The following DGKB variants were observed in gnomAD, a reference collection of about 807,000 sequenced individuals.
DGKB encodes the protein 90 kDa diacylglycerol kinase.
In DGKB, 67 loss-of-function variants were observed where a neutral mutation model predicts 114.3. That is an observed-to-expected ratio of 0.59 (90% CI 0.48 to 0.72). DGKB has a LOEUF of 0.72. Ranked by LOEUF, DGKB falls within the 30% of genes least tolerant of loss-of-function variation. DGKB has a pLI of 0.00. For synonymous variants in DGKB, 398 were observed against 323.1 expected, an observed-to-expected ratio of 1.23 and a Z score of -2.49; for missense variants, 907 against 975.2, an observed-to-expected ratio of 0.93 and a Z score of 0.93.
At chr7:14,337,394 T>A (rs923585862) in intron 23 of DGKB, among the ~76,000 whole-genome samples, 5 of 152,170 alleles carry the variant, frequency 3.3e-5, no homozygotes, top group Non-Finnish European at 7.4e-5. Context: ...TCTCCAAGAT[T>A]ACTTACACAT....
rs538896126 is a variant in DGKB, at chr7:14,267,374, C to T, written c.2122+71141G>A. Among the ~76,000 whole-genome samples the T allele has an allele frequency of 1.7e-4, 26 of 152,190 alleles. 1 individual carries two copies. In the South Asian group the frequency reaches 5.0e-3, roughly 29 times the overall value. On this transcript the variant is annotated intron_variant, in intron 23 of 25. Coordinates refer to ENST00000402815, the MANE Select transcript of DGKB (RefSeq NM_001350709.2). ...GTGAACTCAGCCTTTCAGACCTGTGCTAAGATGCCAAGTGATCTTGTCATG... is the reference window on the plus strand; with the variant it reads ...GTGAACTCAGCCTTTCAGACCTGTGTTAAGATGCCAAGTGATCTTGTCATG...
chr7:14,195,387 C>T, intron 23 of DGKB, among the ~76,000 whole-genome samples: 1 of 152,164 alleles, frequency 6.6e-6, no homozygotes, highest in East Asian at 1.9e-4. Context: ...TGCACCCTAA[C>T]ACTGATGCCA....
At chr7:14,754,040 A>C in intron 3 of DGKB, 92 bp from the exon 4 acceptor site, 1 of 926,900 alleles carries the variant, frequency 1.1e-6, no homozygotes, top group Non-Finnish European at 1.7e-6. Context: ...CTAAAAGTTC[A>C]AGTTTACAGG....
At chr7:14,687,460 A>G (rs112908606) in intron 9 of DGKB, among the ~76,000 whole-genome samples, 2 of 152,206 alleles carry the variant, frequency 1.3e-5, no homozygotes, top group African/African-American at 4.8e-5. Flanking sequence ...TGAATTTCCT[A>G]TTTTGGTTTC....
At chr7:14,364,179 AAAC>A (rs988154688) in intron 21 of DGKB, among the ~76,000 whole-genome samples, 3 of 152,092 alleles carry the variant, frequency 2.0e-5, no homozygotes, top group Non-Finnish European at 4.4e-5. Flanking sequence ...CCAATAAAAA[AAAC>A]AACTAATGCA....
intron 20 of DGKB, among the ~76,000 whole-genome samples, chr7:14,527,623 G>A (rs998865178): frequency 1.7e-4 from 26 of 152,074 alleles, no homozygotes; most frequent in Non-Finnish European, 3.8e-4. Context: ...TTCAAAAGAA[G>A]TGTAGGATAA....
intron 20 of DGKB, among the ~76,000 whole-genome samples, chr7:14,551,989 A>G (rs117634595): frequency 0.022 from 3,384 of 152,234 alleles, 51 homozygotes; most frequent in Non-Finnish European, 0.033. Context: ...CAGAACCATA[A>G]GGTGGTCACT....
In DGKB at chr7:14,878,077, A is replaced by C. The variant is rs116694664; in HGVS notation, c.-188+24515T>G. On this transcript the variant is annotated intron_variant, in intron 1 of 25. Transcript: ENST00000402815. ...CCAAAACAGAAAAAAAAAAAAGCCA[A>C]CAGCATTTTATCAGTGAAATATGTA... Among the ~76,000 whole-genome samples, 655 of 152,112 alleles carry C rather than the reference A, an allele frequency of 4.3e-3. 4 individuals are homozygous for C. The highest frequency in any genetic ancestry group is 0.015 in the African/African-American group (611 of 41,530).
intron 17 of DGKB, among the ~76,000 whole-genome samples, chr7:14,585,142 A>T (rs569235537): frequency 6.6e-6 from 1 of 152,268 alleles, no homozygotes; most frequent in South Asian, 2.1e-4. Context: ...TTAGAACAGG[A>T]AACTTTCATG....
chr7:14,200,859 A>G (rs1365252568), intron 23 of DGKB, among the ~76,000 whole-genome samples: 1 of 151,996 alleles, frequency 6.6e-6, no homozygotes, highest in East Asian at 1.9e-4. Flanking sequence ...GGAAAAGCCT[A>G]AAAAGTTGTG....
At chr7:14,882,683 A>G (rs1380840855) in intron 1 of DGKB, among the ~76,000 whole-genome samples, 1 of 151,990 alleles carries the variant, frequency 6.6e-6, no homozygotes, top group Non-Finnish European at 1.5e-5. Context: ...GAGTAAGAGT[A>G]TGCAATATTT....
chr7:14,225,736 T>C (rs1279539422), intron 23 of DGKB, among the ~76,000 whole-genome samples: 1 of 151,778 alleles, frequency 6.6e-6, no homozygotes, highest in Non-Finnish European at 1.5e-5. Flanking sequence ...TTAAAAAAAA[T>C]AACAATTAGT....
At chr7:14,903,254 TTGA>T (rs1783404290), upstream of DGKB, 7 of 138,140 alleles carry the variant, frequency 5.1e-5, no homozygotes, top group African/African-American at 1.8e-4. Flanking sequence ...TGTGTGTGTG[TTGA>T]GGAGGAGGCG....
At chr7:14,170,255 T>C (rs1187744588) in intron 25 of DGKB, among the ~76,000 whole-genome samples, 1 of 151,956 alleles carries the variant, frequency 6.6e-6, no homozygotes, top group African/African-American at 2.4e-5. Flanking sequence ...GCATCATAAT[T>C]AAGAGATTAA....
upstream of DGKB, among the ~76,000 whole-genome samples, chr7:14,905,840 G>C (rs1228353860): frequency 6.6e-6 from 1 of 152,178 alleles, no homozygotes; most frequent in African/African-American, 2.4e-5. Flanking sequence ...GTGAGTGAAT[G>C]AATTAATCTG....
At chr7:14,245,625 T>TC (rs1422956545) in intron 23 of DGKB, among the ~76,000 whole-genome samples, 1 of 152,106 alleles carries the variant, frequency 6.6e-6, no homozygotes, top group Non-Finnish European at 1.5e-5. Flanking sequence ...TAATTTTTTT[T>TC]CCTCCATTTA....
chr7:14,250,113 C>G (rs1795009783), intron 23 of DGKB, among the ~76,000 whole-genome samples: 1 of 144,006 alleles, frequency 6.9e-6, no homozygotes, highest in South Asian at 2.2e-4. Context: ...GGCTACCACA[C>G]TTGGCTATAT....
intron 23 of DGKB, among the ~76,000 whole-genome samples, chr7:14,320,529 CGCATATGCGGTACATATATGTACT>C (rs1374410620): frequency 6.6e-6 from 1 of 151,280 alleles, no homozygotes; most frequent in African/African-American, 2.4e-5. Flanking sequence ...ATATATGTAC[CGCATATGCGGTACATATATGTACT>C]ATATAGTACA....
At chr7:14,176,427 G>A in intron 25 of DGKB, 1 of 986,398 alleles carries the variant, frequency 1.0e-6, no homozygotes, top group Non-Finnish European at 1.2e-6. Flanking sequence ...CCAAATGGAG[G>A]CATAGAAAAG....
Sources: allele counts gnomAD v4.1 joint callset (sites outside exome capture counted in the v4.1 genomes callset), GRCh38; gene constraint gnomAD v4.1.1; transcripts MANE v1.5; gene names NCBI Gene and HGNC (gene_info 2026-07-23, HGNC 2026-07-21).